The following SLC25A21 variants were observed in gnomAD, a reference collection of about 807,000 sequenced individuals.
SLC25A21 encodes mitochondrial 2-oxodicarboxylate carrier.
In SLC25A21, 47 loss-of-function variants were observed where a neutral mutation model predicts 43.8. That is an observed-to-expected ratio of 1.07 (90% CI 0.85 to 1.37). SLC25A21 has a LOEUF of 1.37. Among genes scored for constraint, SLC25A21 ranks in the 40% most tolerant of loss-of-function variants. The pLI is 0.00. For synonymous variants in SLC25A21, 131 were observed against 121.3 expected (o/e 1.08, Z -0.52); for missense variants, 352 against 350.2 (o/e 1.00, Z -0.04).
At chr14:36,830,348 G>A (rs1265736984) in intron 2 of SLC25A21, among the ~76,000 whole-genome samples, 2 of 152,200 alleles carry the variant, frequency 1.3e-5, no homozygotes, top group East Asian at 1.9e-4. Flanking sequence ...GTTATTCAGT[G>A]TGAAAAGTGC....
At chr14:36,803,752 T>C (rs1347692953) in intron 3 of SLC25A21, among the ~76,000 whole-genome samples, 1 of 152,160 alleles carries the variant, frequency 6.6e-6, no homozygotes, top group Non-Finnish European at 1.5e-5. Context: ...GACTATATCT[T>C]TACATACATT....
intron 1 of SLC25A21, among the ~76,000 whole-genome samples, chr14:37,100,054 GTTTGTTTTC>G (rs1416643619): frequency 2.7e-5 from 4 of 150,922 alleles, no homozygotes; most frequent in African/African-American, 7.3e-5. Context: ...TTGTTTGTTT[GTTTGTTTTC>G]TTTTGTTTTT....
At chr14:37,082,476 C>A (rs1463280543) in intron 1 of SLC25A21, among the ~76,000 whole-genome samples, 2 of 152,120 alleles carry the variant, frequency 1.3e-5, no homozygotes, top group Non-Finnish European at 1.5e-5. Flanking sequence ...AGAGAGTGGG[C>A]TTTACAGGGA....
intron 7 of SLC25A21, among the ~76,000 whole-genome samples, chr14:36,697,738 C>CTTTTTTTTTTTTTTTTTTTTTTTT (rs757711209): frequency 2.7e-5 from 3 of 111,662 alleles, no homozygotes; most frequent in African/African-American, 6.9e-5. Flanking sequence ...GCAAGCCCTA[C>CTTTTTTTTTTTTTTTTTTTTTTTT]TTTTTTTTTT....
chr14:37,015,796 C>T (rs1469926751), intron 1 of SLC25A21, among the ~76,000 whole-genome samples: 101 of 152,130 alleles, frequency 6.6e-4, no homozygotes, highest in Middle Eastern at 6.8e-3. Flanking sequence ...TGGCCAGTGA[C>T]GGTGAGCATT....
chr14:36,704,688 A>G (rs1883430876), intron 7 of SLC25A21, among the ~76,000 whole-genome samples: 1 of 151,988 alleles, frequency 6.6e-6, no homozygotes, highest in Admixed American at 6.6e-5. Flanking sequence ...AGAGAAAACA[A>G]AAACAAACAA....
At chr14:36,836,357 C>T (rs1328111641) in intron 2 of SLC25A21, among the ~76,000 whole-genome samples, 1 of 152,188 alleles carries the variant, frequency 6.6e-6, no homozygotes. Flanking sequence ...ATATAGTTTT[C>T]TTATGATATA....
chr14:36,825,153 G>A (rs1439782873), intron 2 of SLC25A21, among the ~76,000 whole-genome samples: 1 of 152,074 alleles, frequency 6.6e-6, no homozygotes, highest in Non-Finnish European at 1.5e-5. Context: ...TATTCCATGG[G>A]GCTTACTTAT....
intron 3 of SLC25A21, among the ~76,000 whole-genome samples, chr14:36,779,393 G>T (rs1242707121): frequency 7.1e-6 from 1 of 141,188 alleles, no homozygotes; most frequent in Non-Finnish European, 1.5e-5. Flanking sequence ...ACACATATAT[G>T]TAAGAATAAA....
At chr14:36,840,684 T>C (rs914126235) in intron 2 of SLC25A21, among the ~76,000 whole-genome samples, 1 of 152,208 alleles carries the variant, frequency 6.6e-6, no homozygotes, top group Non-Finnish European at 1.5e-5. Flanking sequence ...AGTTTTCCCG[T>C]TTAATATTAT....
intron 1 of SLC25A21, among the ~76,000 whole-genome samples, chr14:37,129,706 G>A (rs1333444469): frequency 6.6e-6 from 1 of 150,870 alleles, no homozygotes; most frequent in African/African-American, 2.4e-5. Flanking sequence ...CCAGGAGGCA[G>A]ACAATCAATA....
rs111470514 is a variant in SLC25A21, at chr14:36,749,252, T to C, written c.204-14679A>G. 6.9e-3 allele frequency among the ~76,000 whole-genome samples: 1,054 copies of C among 152,332 alleles called. 3 individuals carry two copies. The highest frequency in any genetic ancestry group is 0.011 in the Non-Finnish European group (739 of 68,038). Reference sequence around the variant, plus strand: ...GATTCGCGAATCGTTCTTTGCTCAATTAAATTCTTCTAAATTTAATTTGGC... The same window carrying C: ...GATTCGCGAATCGTTCTTTGCTCAACTAAATTCTTCTAAATTTAATTTGGC... On this transcript the variant is annotated intron_variant, in intron 3 of 9. Coordinates refer to ENST00000331299, the MANE Select transcript of SLC25A21 (RefSeq NM_030631.4).
chr14:36,848,221 A>G (rs1889609698), intron 2 of SLC25A21, among the ~76,000 whole-genome samples: 1 of 152,200 alleles, frequency 6.6e-6, no homozygotes. Flanking sequence ...TGTCTTACAC[A>G]ACTGTGGAAC....
intron 1 of SLC25A21, among the ~76,000 whole-genome samples, chr14:36,907,781 A>G (rs1891576021): frequency 6.6e-6 from 1 of 152,186 alleles, no homozygotes; most frequent in Non-Finnish European, 1.5e-5. Context: ...TGTGAAGGGT[A>G]AGTTATTTCT....
At position 37,099,264 on chromosome 14, in the gene SLC25A21, C is replaced by T. The variant is rs117906711; in HGVS notation, c.70+73017G>A. The stretch of plus-strand genomic sequence containing the variant: ...ATTTCTCAGCCTTTTCTTTGTGTGT[C>T]TATCTAAAATCCTCCTGGGGCGACC... On this transcript the variant is annotated intron_variant, in intron 1 of 9. Transcript: ENST00000331299. Among the ~76,000 whole-genome samples the T allele has an allele frequency of 4.9e-4, 75 of 152,226 alleles. 1 individual carries two copies. In the East Asian group the frequency reaches 0.014, roughly 29 times the overall value.
intron 1 of SLC25A21, among the ~76,000 whole-genome samples, chr14:37,041,186 T>A (rs1489474595): frequency 6.6e-6 from 1 of 152,204 alleles, no homozygotes; most frequent in African/African-American, 2.4e-5. Flanking sequence ...TTAATTTGTT[T>A]GCAAATTCCT....
intron 1 of SLC25A21, among the ~76,000 whole-genome samples, chr14:37,026,453 T>C (rs1300430803): frequency 6.6e-6 from 1 of 152,144 alleles, no homozygotes; most frequent in Admixed American, 6.6e-5. Context: ...AGGAGCTCCT[T>C]GTCGCCACCA....
At chr14:36,742,760 T>C (rs1448982398) in intron 3 of SLC25A21, among the ~76,000 whole-genome samples, 3 of 152,200 alleles carry the variant, frequency 2.0e-5, no homozygotes, top group Non-Finnish European at 4.4e-5. Flanking sequence ...ACCCAACTCA[T>C]ATCAGGTCTT....
intron 4 of SLC25A21, among the ~76,000 whole-genome samples, chr14:36,731,033 C>A (rs7153581): frequency 6.7e-6 from 1 of 148,772 alleles, no homozygotes; most frequent in Admixed American, 6.7e-5. Flanking sequence ...AGTGCAGTGG[C>A]GCGATCTCGG....
Sources: allele counts gnomAD v4.1 joint callset (sites outside exome capture counted in the v4.1 genomes callset), GRCh38; gene constraint gnomAD v4.1.1; transcripts MANE v1.5; gene names NCBI Gene and HGNC (gene_info 2026-07-23, HGNC 2026-07-21).